The following SGK1 variants were observed in gnomAD, a reference collection of about 807,000 sequenced individuals.
The protein encoded by SGK1 is serum/glucocorticoid regulated kinase 1, also known as serine/threonine-protein kinase Sgk1.
In SGK1, 26 loss-of-function variants were observed where a neutral mutation model predicts 64.2. The ratio of observed to expected loss-of-function variants is 0.40; its 90% confidence interval spans 0.30 to 0.56. The LOEUF is 0.56. Ranked by LOEUF, SGK1 falls within the 20% of genes least tolerant of loss-of-function variation. The pLI is 0.38. For missense variants in SGK1, 519 were observed against 645.6 expected (o/e 0.80, Z 2.12); for synonymous variants, 265 against 239.7 (o/e 1.11, Z -0.98).
chr6:134,177,785 CTACA>C, intron 3 of SGK1: 1 of 1,613,732 alleles, frequency 6.2e-7, no homozygotes, highest in East Asian at 2.2e-5. Context: ...AGCCTCCCTG[CTACA>C]TGCCTCTGAT....
chr6:134,178,716 T>C (rs1763527), intron 3 of SGK1, among the ~76,000 whole-genome samples: 64,340 of 152,126 alleles, frequency 0.42, 14,404 homozygotes, highest in Non-Finnish European at 0.51. Flanking sequence ...CCCCCACTTG[T>C]CTCCTGAGGT....
intron 3 of SGK1, among the ~76,000 whole-genome samples, chr6:134,178,321 G>A (rs901501414): frequency 3.3e-5 from 5 of 152,062 alleles, no homozygotes; most frequent in Non-Finnish European, 7.4e-5. Context: ...TCTTCCAACC[G>A]GATACGTGAT....
chr6:134,198,828 C>A, intron 3 of SGK1, among the ~76,000 whole-genome samples: 1 of 145,898 alleles, frequency 6.9e-6, no homozygotes, highest in South Asian at 2.2e-4. Context: ...CATGAGCTAC[C>A]AGTAGTGATT....
At chr6:134,197,806 G>A (rs192083485) in intron 3 of SGK1, among the ~76,000 whole-genome samples, 18 of 147,688 alleles carry the variant, frequency 1.2e-4, no homozygotes, top group Middle Eastern at 3.5e-3. Context: ...CTGCCTGGGC[G>A]ACAAAGCAAG....
intron 3 of SGK1, among the ~76,000 whole-genome samples, chr6:134,183,394 G>C (rs563043852): frequency 2.0e-5 from 3 of 152,298 alleles, no homozygotes; most frequent in Admixed American, 2.0e-4. Flanking sequence ...TCGAATGCTA[G>C]AACTTATTCC....
At chr6:134,268,947 A>G (rs1326441939) in intron 1 of SGK1, among the ~76,000 whole-genome samples, 7 of 82,848 alleles carry the variant, frequency 8.4e-5, no homozygotes, top group Middle Eastern at 5.4e-3. Context: ...CTTTACTTGG[A>G]AAAAAAAAAA....
chr6:134,239,053 G>A (rs1374874454), intron 2 of SGK1, among the ~76,000 whole-genome samples: 1 of 152,214 alleles, frequency 6.6e-6, no homozygotes, highest in African/African-American at 2.4e-5. Flanking sequence ...TTTCAGAACA[G>A]TCTAACAGCT....
At chr6:134,297,255 G>T in intron 1 of SGK1, 4 of 1,196,996 alleles carry the variant, frequency 3.3e-6, no homozygotes, top group Non-Finnish European at 4.9e-6. Flanking sequence ...CTTCCTGTAG[G>T]TTGCGATCTC....
chr6:134,251,804 G>A (rs2114736601), intron 2 of SGK1, among the ~76,000 whole-genome samples: 1 of 152,226 alleles, frequency 6.6e-6, no homozygotes, highest in Admixed American at 6.5e-5. Flanking sequence ...ACCCAGGCTG[G>A]AGTGCAGTGG....
intron 2 of SGK1, among the ~76,000 whole-genome samples, chr6:134,224,033 C>T (rs958317211): frequency 1.3e-5 from 2 of 152,154 alleles, no homozygotes; most frequent in Admixed American, 1.3e-4. Flanking sequence ...TCTTGGCAGA[C>T]CTTGCCAATA....
intron 2 of SGK1, chr6:134,260,382 C>CCCCCCA (rs923134826): frequency 1.4e-5 from 2 of 143,062 alleles, no homozygotes; most frequent in Non-Finnish European, 3.1e-5. Context: ...CCACCCCCCC[C>CCCCCCA]AAAAAAAGGG....
chr6:134,193,318 C>T (rs1234872718), intron 3 of SGK1, among the ~76,000 whole-genome samples: 1 of 152,160 alleles, frequency 6.6e-6, no homozygotes, highest in African/African-American at 2.4e-5. Flanking sequence ...ATAAGGAAAC[C>T]AATTTCACCA....
Position 134,204,775 on chromosome 6 carries a change from A to C in SGK1, c.361+2581T>G, listed in dbSNP as rs560849837. 2.6e-5 allele frequency among the ~76,000 whole-genome samples: 4 copies of C among 152,172 alleles called. No homozygotes were observed. In the East Asian group the frequency reaches 7.7e-4, roughly 29 times the overall value. On this transcript the variant is annotated intron_variant, in intron 3 of 13. Transcript: ENST00000367858. ...CACCATGTTGGCCAGGCTGGTCTCTAACTCCTGACCTCAGGTGATCCACCC... is the reference window on the plus strand; with the variant it reads ...CACCATGTTGGCCAGGCTGGTCTCTCACTCCTGACCTCAGGTGATCCACCC...
chr6:134,247,963 C>T (rs1297448084), intron 2 of SGK1, among the ~76,000 whole-genome samples: 1 of 151,854 alleles, frequency 6.6e-6, no homozygotes, highest in Non-Finnish European at 1.5e-5. Context: ...AGATTTAATC[C>T]ATGAAATAAA....
At chr6:134,194,387 G>A (rs1403666046) in intron 3 of SGK1, among the ~76,000 whole-genome samples, 1 of 152,046 alleles carries the variant, frequency 6.6e-6, no homozygotes, top group African/African-American at 2.4e-5. Context: ...TTCCAGTTCT[G>A]TCTATAAATG....
At chr6:134,291,173 T>C (rs1297875822) in intron 1 of SGK1, among the ~76,000 whole-genome samples, 1 of 152,004 alleles carries the variant, frequency 6.6e-6, no homozygotes, top group Non-Finnish European at 1.5e-5. Flanking sequence ...GAGTGAAAGG[T>C]AGGCAGTGAA....
rs1775274007 is a variant in SGK1, at chr6:134,177,913, A to G, written c.362-3327T>C. The G allele has an allele frequency of 8.9e-6, 12 of 1,352,374 alleles. 1 individual carries two copies. The highest frequency in any genetic ancestry group is 1.2e-5 in the Non-Finnish European group (12 of 992,170). The allele number at this position is 1,352,374 out of a possible 1,614,324, so 83.8% of individuals were successfully genotyped here. A position where few individuals can be genotyped will look rare whatever the true frequency, so the allele number is the denominator to read the frequency against. ...TAAGTACAGGAAGGGAGCAAGCTGC[A>G]AAGTTCAACACTGGGCCATTTATTC... is the stretch of plus-strand genomic sequence containing the variant. On this transcript the variant is annotated intron_variant, in intron 3 of 13. Transcript: ENST00000367858.
At position 134,211,877 on chromosome 6, in the gene SGK1, GAAAAAAAA is replaced by G. The variant is rs573091377; in HGVS notation, c.286-4454_286-4447del. 1.3e-4 allele frequency among the ~76,000 whole-genome samples: 11 copies of G among 81,598 alleles called. No homozygotes were observed. The Admixed American group carries it at 1.4e-3, about 10-fold the overall frequency. 53.5% of individuals were successfully genotyped at this position (81,598 alleles called of 152,430 possible). ...GAGAGAGCGAGATTCCGTCTACAAG[GAAAAAAAA>G]AAAAAAAAAAAAAAATCCCTCCTAC... On this transcript the variant is annotated intron_variant, in intron 2 of 13. Coordinates refer to ENST00000367858, the MANE Select transcript of SGK1 (RefSeq NM_001143676.3).
chr6:134,241,608 A>G (rs928477136), intron 2 of SGK1, among the ~76,000 whole-genome samples: 8 of 151,576 alleles, frequency 5.3e-5, no homozygotes, highest in Non-Finnish European at 1.0e-4. Context: ...CATGTAGCCA[A>G]CAAACTTGTT....
Sources: gnomAD v4.1 joint callset for allele counts (sites outside exome capture counted in the v4.1 genomes callset) on GRCh38, gnomAD v4.1.1 for gene constraint, MANE v1.5 for transcripts, NCBI Gene and HGNC (gene_info 2026-07-23, HGNC 2026-07-21) for gene names.